Variants in IPP observed in about 807,000 individuals in gnomAD.
The protein encoded by IPP is intracisternal A particle-promoted polypeptide, also known as actin-binding protein IPP.
IPP carries 41 observed loss-of-function variants against 64.1 expected under a neutral mutation model. That is an observed-to-expected ratio of 0.64 (90% CI 0.50 to 0.83). The LOEUF (loss-of-function observed/expected upper bound fraction) is 0.83. Ranked by LOEUF, IPP falls within the 40% of genes least tolerant of loss-of-function variation. The pLI, the probability that IPP is intolerant of heterozygous loss-of-function variation, is 0.00. For missense variants in IPP, 649 were observed against 703.0 expected (o/e 0.92, Z 0.87); for synonymous variants, 214 against 235.2 (o/e 0.91, Z 0.83).
At chr1:45,703,822 C>G (rs1645485110) in intron 8 of IPP, among the ~76,000 whole-genome samples, 1 of 152,168 alleles carries the variant, frequency 6.6e-6, no homozygotes, top group African/African-American at 2.4e-5. Flanking sequence ...TGTAACATAA[C>G]TGACTATTTA....
At chr1:45,720,516 T>G (rs559025686) in intron 5 of IPP, among the ~76,000 whole-genome samples, 208 of 152,302 alleles carry the variant, frequency 1.4e-3, no homozygotes, top group African/African-American at 4.4e-3. Context: ...TTTAATAGAT[T>G]TGACAAACTG....
intron 6 of IPP, among the ~76,000 whole-genome samples, 184 bp from the exon 7 acceptor site, chr1:45,717,201 C>A: frequency 8.4e-6 from 1 of 118,438 alleles, no homozygotes; most frequent in Non-Finnish European, 1.6e-5. Flanking sequence ...AGGTCCTTTG[C>A]ATAACTGATG....
At chr1:45,708,721 A>G (rs1316296920) in intron 8 of IPP, among the ~76,000 whole-genome samples, 1 of 145,318 alleles carries the variant, frequency 6.9e-6, no homozygotes, top group Non-Finnish European at 1.5e-5. Flanking sequence ...TTCTATACCC[A>G]GCAAACTATC....
chr1:45,724,872 C>A (rs969505387), intron 5 of IPP, among the ~76,000 whole-genome samples: 6 of 150,688 alleles, frequency 4.0e-5, no homozygotes, highest in African/African-American at 1.5e-4. Context: ...GCAGCCACCC[C>A]GTCGGGGAGG....
intron 2 of IPP, 126 bp from the exon 3 acceptor site, chr1:45,741,458 A>C: frequency 3.1e-6 from 2 of 641,250 alleles, no homozygotes; most frequent in Admixed American, 6.6e-5. Context: ...ACACTAAAAA[A>C]GGCAATCAAG....
At chr1:45,736,951 G>C (rs1645989635) in intron 3 of IPP, among the ~76,000 whole-genome samples, 2 of 149,378 alleles carry the variant, frequency 1.3e-5, no homozygotes, top group Admixed American at 6.8e-5. Flanking sequence ...GCTGAGGCAG[G>C]AGAACGGCAT....
chr1:45,708,900 G>C (rs1645551433), intron 8 of IPP, among the ~76,000 whole-genome samples: 1 of 151,474 alleles, frequency 6.6e-6, no homozygotes, highest in Admixed American at 6.6e-5. Flanking sequence ...TGGGCGTGGT[G>C]GTGGGTACCT....
Position 45,698,912 on chromosome 1 carries a change from G to T in IPP, c.*1054C>A. Reference sequence around the variant, plus strand: ...TTTTATATATTTTTTGGTAGAGACGGAGTCTCATCACGTTGCCCAGGCTAG... The same window carrying T: ...TTTTATATATTTTTTGGTAGAGACGTAGTCTCATCACGTTGCCCAGGCTAG... On this transcript the variant is annotated 3_prime_UTR_variant, in exon 9 of 9. Coordinates refer to ENST00000396478, the MANE Select transcript of IPP (RefSeq NM_005897.3). 1 of 371,516 alleles carries T rather than the reference G, an allele frequency of 2.7e-6. No homozygotes were observed. Among genetic ancestry groups the T allele is most frequent in the Non-Finnish European group, 3.7e-6 (1 of 269,210 alleles). The allele number at this position is 371,516 out of a possible 1,614,324, so 23.0% of individuals were successfully genotyped here.
chr1:45,746,747 T>C (rs1210019289), intron 1 of IPP, among the ~76,000 whole-genome samples: 1 of 151,150 alleles, frequency 6.6e-6, no homozygotes, highest in African/African-American at 2.4e-5. Flanking sequence ...CTTGATGGAG[T>C]AAAAAAAATA....
intron 8 of IPP, among the ~76,000 whole-genome samples, chr1:45,705,551 A>T (rs540309196): frequency 5.3e-5 from 8 of 152,346 alleles, no homozygotes; most frequent in African/African-American, 1.9e-4. Flanking sequence ...TCACGCCTGT[A>T]ATCCCAGCAC....
intron 5 of IPP, 65 bp from the exon 6 acceptor site, chr1:45,719,405 A>G: frequency 9.3e-7 from 1 of 1,074,498 alleles, no homozygotes; most frequent in East Asian, 2.6e-5. Flanking sequence ...GCACCATAAC[A>G]CAATATTCAG....
intron 5 of IPP, among the ~76,000 whole-genome samples, chr1:45,719,648 T>C (rs1485309481): frequency 1.3e-5 from 2 of 152,260 alleles, no homozygotes; most frequent in Non-Finnish European, 2.9e-5. Flanking sequence ...ATATTTTTTT[T>C]CACATATTAG....
At chr1:45,733,163 A>T (rs1187728162) in intron 3 of IPP, among the ~76,000 whole-genome samples, 1 of 151,398 alleles carries the variant, frequency 6.6e-6, no homozygotes, top group African/African-American at 2.4e-5. Flanking sequence ...GCAGCGGCTC[A>T]CGCCTGTAAT....
At chr1:45,716,513 G>A (rs1408312115) in intron 7 of IPP, among the ~76,000 whole-genome samples, 1 of 152,180 alleles carries the variant, frequency 6.6e-6, no homozygotes, top group African/African-American at 2.4e-5. Context: ...CCAAAGTGCT[G>A]GGATTACAGG....
At position 45,740,768 on chromosome 1, in the gene IPP, A is replaced by G; in HGVS notation, c.724+133T>C. ...TCTTAATCATTCAATACATTTTAAAAAAAGAAAAAAAAAGAGTAATCATTC... is the reference window on the plus strand; with the variant it reads ...TCTTAATCATTCAATACATTTTAAAGAAAGAAAAAAAAAGAGTAATCATTC... On this transcript the variant is annotated intron_variant, in intron 3 of 8. Transcript: ENST00000396478. 3 of 574,212 alleles carry G rather than the reference A, an allele frequency of 5.2e-6. No homozygotes were observed. In the South Asian group the frequency reaches 8.4e-5, roughly 16 times the overall value. The allele number at this position is 574,212 out of a possible 1,614,324, so 35.6% of individuals were successfully genotyped here. A position where few individuals can be genotyped will look rare whatever the true frequency, so the allele number is the denominator to read the frequency against.
intron 3 of IPP, among the ~76,000 whole-genome samples, chr1:45,733,995 T>A (rs867633795): frequency 2.3e-4 from 35 of 151,686 alleles, no homozygotes; most frequent in African/African-American, 8.0e-4. Flanking sequence ...CAATGCATAT[T>A]AAAAAAAATC....
In IPP at chr1:45,746,387, C is replaced by G; in HGVS notation, c.25G>C (p.Ala9Pro). The G allele has an allele frequency of 1.2e-6, 2 of 1,613,014 alleles. No homozygotes were observed. The highest frequency in any genetic ancestry group is 2.2e-5 in the South Asian group (2 of 91,068). ...TCTGATGAAAAAGGACTATCAGCAG[C>G]CTTGGGACAGTCCTCATTAGCCATG... MANEDCPKAADSPFSSDKH... is the reference protein window; with the variant it reads MANEDCPKPADSPFSSDKH... Residue 9 changes from alanine to proline, a missense_variant, in exon 2 of 9, where the codon GCT becomes CCT. Coordinates refer to ENST00000396478, the MANE Select transcript of IPP (RefSeq NM_005897.3).
intron 2 of IPP, among the ~76,000 whole-genome samples, chr1:45,744,700 A>C (rs1198781997): frequency 6.6e-6 from 1 of 151,992 alleles, no homozygotes; most frequent in Non-Finnish European, 1.5e-5. Flanking sequence ...TTAGCTGGGC[A>C]TGGTGGCACG....
rs192142784 is a variant in IPP, at chr1:45,747,565, C to T, written c.-50-1104G>A. 2.3e-3 allele frequency among the ~76,000 whole-genome samples: 346 copies of T among 152,136 alleles called. 3 individuals carry two copies. The highest frequency in any genetic ancestry group is 8.0e-3 in the African/African-American group (330 of 41,500). On this transcript the variant is annotated intron_variant, in intron 1 of 8. Transcript: ENST00000396478. ...AGAAACTGCTGGGCACAGTGGCTCA[C>T]GCCTGTAATCCCAGCACGTTGGGAT...
Sources: allele counts gnomAD v4.1 joint callset (sites outside exome capture counted in the v4.1 genomes callset), GRCh38; gene constraint gnomAD v4.1.1; transcripts MANE v1.5; gene names NCBI Gene and HGNC (gene_info 2026-07-23, HGNC 2026-07-21).